The following FAM222A variants were observed in gnomAD, a reference collection of about 807,000 sequenced individuals.
FAM222A encodes the protein family with sequence similarity 222 member A.
A neutral mutation model predicts 25.8 loss-of-function variants in FAM222A; 7 were observed. The observed-to-expected ratio is 0.27, with a 90% CI of 0.15 to 0.51. The LOEUF (loss-of-function observed/expected upper bound fraction) is 0.51, where lower values mean the gene tolerates loss of function less well. Among genes scored for constraint, FAM222A ranks in the 20% least tolerant of loss-of-function variants. The probability of loss-of-function intolerance (pLI) is 0.97; values close to 1 mark genes in which losing one functional copy is unlikely to be tolerated. For missense variants in FAM222A, 573 were observed against 640.5 expected (o/e 0.89, Z 1.14); for synonymous variants, 294 against 298.8 (o/e 0.98, Z 0.17).
chr12:109,764,516 C>G (rs1446634251), intron 2 of FAM222A, among the ~76,000 whole-genome samples: 1 of 152,132 alleles, frequency 6.6e-6, no homozygotes, highest in Non-Finnish European at 1.5e-5. Flanking sequence ...ATTGGATACT[C>G]AAGATAAACT....
intron 1 of FAM222A, among the ~76,000 whole-genome samples, chr12:109,726,758 G>A (rs1887851216): frequency 6.6e-6 from 1 of 152,160 alleles, no homozygotes; most frequent in Admixed American, 6.5e-5. Flanking sequence ...GCCTGGGTCC[G>A]CCTGGCTTCC....
Position 109,726,119 on chromosome 12 carries a change from T to TAAAAA in FAM222A, c.-47+11240_-47+11244dup, listed in dbSNP as rs11464580. On this transcript the variant is annotated intron_variant, in intron 1 of 2. Coordinates refer to ENST00000538780, the MANE Select transcript of FAM222A (RefSeq NM_032829.3). ...AAGCTGGGAAACAAGAAAAAATTGC[T>TAAAAA]AAAAAAAAAAAAAAAAAAAAAAGTT... Among the ~76,000 whole-genome samples the TAAAAA allele has an allele frequency of 8.4e-4, 93 of 110,348 alleles. 1 individual carries two copies. The highest frequency in any genetic ancestry group is 1.0e-3 in the Non-Finnish European group (57 of 55,360). The allele number at this position is 110,348 out of a possible 152,430, so 72.4% of individuals were successfully genotyped here. A position where few individuals can be genotyped will look rare whatever the true frequency, so the allele number is the denominator to read the frequency against.
At chr12:109,748,334 CTTTTTTTT>C (rs61492433) in intron 2 of FAM222A, among the ~76,000 whole-genome samples, 2 of 81,634 alleles carry the variant, frequency 2.4e-5, no homozygotes, top group East Asian at 2.4e-4. Context: ...GGTTTTCTTT[CTTTTTTTT>C]TTTTTTTTTT....
At chr12:109,762,421 T>G (rs1888924751) in intron 2 of FAM222A, among the ~76,000 whole-genome samples, 1 of 152,158 alleles carries the variant, frequency 6.6e-6, no homozygotes, top group Non-Finnish European at 1.5e-5. Context: ...CATTGCCTCT[T>G]ACAACCCAGC....
At chr12:109,755,646 A>C (rs1888705527) in intron 2 of FAM222A, among the ~76,000 whole-genome samples, 1 of 152,104 alleles carries the variant, frequency 6.6e-6, no homozygotes, top group Non-Finnish European at 1.5e-5. Flanking sequence ...ATTTTGAGTT[A>C]AGTTTTGTGT....
At chr12:109,732,557 C>T (rs1017022851) in intron 1 of FAM222A, among the ~76,000 whole-genome samples, 2 of 152,268 alleles carry the variant, frequency 1.3e-5, no homozygotes, top group Admixed American at 1.3e-4. Context: ...CATTTGTAAC[C>T]GTCACCAGGC....
chr12:109,719,282 T>C (rs971619779), intron 1 of FAM222A, among the ~76,000 whole-genome samples: 1 of 152,180 alleles, frequency 6.6e-6, no homozygotes, highest in Admixed American at 6.5e-5. Context: ...AGAGAAGGTA[T>C]TATACTTTGC....
At chr12:109,767,511 G>A (rs540891975) in intron 2 of FAM222A, among the ~76,000 whole-genome samples, 12 of 152,252 alleles carry the variant, frequency 7.9e-5, no homozygotes, top group African/African-American at 2.6e-4. Flanking sequence ...GAACAGAAAC[G>A]ATGAATAGAT....
chr12:109,724,638 C>T (rs1386989048), intron 1 of FAM222A, among the ~76,000 whole-genome samples: 1 of 152,210 alleles, frequency 6.6e-6, no homozygotes, highest in East Asian at 1.9e-4. Context: ...CATGCCACCC[C>T]ATCCTAGCTG....
chr12:109,769,703 G>T lies in FAM222A; in HGVS notation c.*415G>T, dbSNP rs1271346363. 9.7e-6 allele frequency: 2 copies of T among 206,860 alleles called. No homozygotes were observed. The highest frequency in any genetic ancestry group is 1.9e-5 in the Non-Finnish European group (2 of 103,144). The allele number at this position is 206,860 out of a possible 1,614,324, so 12.8% of individuals were successfully genotyped here. On this transcript the variant is annotated 3_prime_UTR_variant, in exon 3 of 3. Transcript: ENST00000538780. ...GGTGGGGGCAGGGCAGCCCCCCCAGGGGTCAGGCAGCTGTGTCTCCCCACA... is the reference window on the plus strand; with the variant it reads ...GGTGGGGGCAGGGCAGCCCCCCCAGTGGTCAGGCAGCTGTGTCTCCCCACA...
chr12:109,729,656 A>G (rs1887907258), intron 1 of FAM222A, among the ~76,000 whole-genome samples: 1 of 152,260 alleles, frequency 6.6e-6, no homozygotes, highest in Non-Finnish European at 1.5e-5. Context: ...GCACGCATGC[A>G]CATGCTGGCG....
rs377649471 is a variant in FAM222A, at chr12:109,769,039, G to A, written c.1110G>A (p.Thr370=). The change falls in exon 3 of 3, where the codon ACG becomes ACA. Residue 370 remains threonine, a synonymous_variant. Transcript: ENST00000538780. ...ACCCAGCGGCGGCGGTGGTGGTCAC[G>A]GAGCTGGGGCCGGGGGCAGCCCGGG... ...CYNPAAAVVV[T]ELGPGAAREL... is the part of the protein sequence containing the mutation. 6.7e-5 allele frequency: 106 copies of A among 1,585,448 alleles called. No individual in the cohort carries two copies. The highest frequency in any genetic ancestry group is 1.4e-4 in the East Asian group (6 of 43,572).
At chr12:109,763,129 G>A (rs553046623) in intron 2 of FAM222A, among the ~76,000 whole-genome samples, 137 of 152,334 alleles carry the variant, frequency 9.0e-4, no homozygotes, top group Non-Finnish European at 1.6e-3. Context: ...CCTGATTCTA[G>A]GGAAGAGGAG....
Position 109,746,211 on chromosome 12 carries a change from G to A in FAM222A, c.82+1983G>A, listed in dbSNP as rs193192533. Reference sequence around the variant, plus strand: ...TGGTTTTTAAGAAATGTATGAGACCGGGCACAGTGGCTCATGCCTGTAATC... The same window carrying A: ...TGGTTTTTAAGAAATGTATGAGACCAGGCACAGTGGCTCATGCCTGTAATC... On this transcript the variant is annotated intron_variant, in intron 2 of 2. Coordinates refer to ENST00000538780, the MANE Select transcript of FAM222A (RefSeq NM_032829.3). Among the ~76,000 whole-genome samples the A allele has an allele frequency of 7.9e-4, 121 of 152,232 alleles. 1 individual carries two copies. The highest frequency in any genetic ancestry group is 2.7e-3 in the African/African-American group (112 of 41,520).
At chr12:109,719,141 G>T (rs1163468939) in intron 1 of FAM222A, among the ~76,000 whole-genome samples, 1 of 152,152 alleles carries the variant, frequency 6.6e-6, no homozygotes. Flanking sequence ...CCACTCCAGT[G>T]GTCACAGTCA....
intron 2 of FAM222A, among the ~76,000 whole-genome samples, chr12:109,745,397 A>G (rs913586859): frequency 1.3e-5 from 2 of 152,244 alleles, no homozygotes; most frequent in Non-Finnish European, 2.9e-5. Context: ...TGCTGTTACA[A>G]GCAGTGCAGT....
chr12:109,721,533 G>A (rs945459062), intron 1 of FAM222A, among the ~76,000 whole-genome samples: 1 of 152,194 alleles, frequency 6.6e-6, no homozygotes, highest in African/African-American at 2.4e-5. Context: ...AGGGCTCTGG[G>A]CAGGCAGCGC....
At chr12:109,755,287 C>CTTTT (rs540689300) in intron 2 of FAM222A, among the ~76,000 whole-genome samples, 15 of 49,426 alleles carry the variant, frequency 3.0e-4, no homozygotes, top group Non-Finnish European at 3.1e-4. Context: ...TGTAATTCTT[C>CTTTT]TTTTTTTTTT....
rs151148399 is a variant in FAM222A at position 109,726,736 on chromosome 12, G to A, written c.-47+11839G>A. 6.1e-4 allele frequency among the ~76,000 whole-genome samples: 93 copies of A among 152,252 alleles called. 1 individual carries two copies. The East Asian group carries it at 0.016, about 26-fold the overall frequency. On this transcript the variant is annotated intron_variant, in intron 1 of 2. Transcript: ENST00000538780. Reference sequence around the variant, plus strand: ...TGGTCTAGAAGCAGGTGCTGTTCCCGCTTCCCTAGGGGCCTGGGTCCGCCT... The same window carrying A: ...TGGTCTAGAAGCAGGTGCTGTTCCCACTTCCCTAGGGGCCTGGGTCCGCCT...
Sources: allele counts gnomAD v4.1 joint callset (sites outside exome capture counted in the v4.1 genomes callset), GRCh38; gene constraint gnomAD v4.1.1; transcripts MANE v1.5; gene names NCBI Gene and HGNC (gene_info 2026-07-23, HGNC 2026-07-21).